The following WDFY4 variants were observed in gnomAD, a reference collection of about 807,000 sequenced individuals.
The protein encoded by WDFY4 is WDFY family member 4, also known as WD repeat- and FYVE domain-containing protein 4.
A neutral mutation model predicts 351.9 loss-of-function variants in WDFY4; 169 were observed. The ratio of observed to expected loss-of-function variants is 0.48; its 90% CI spans 0.42 to 0.55. WDFY4 has a LOEUF of 0.55. Among genes scored for constraint, WDFY4 ranks in the 20% least tolerant of loss-of-function variants. The probability of loss-of-function intolerance (pLI) is 0.00; values close to 1 mark genes in which losing one functional copy is unlikely to be tolerated. For missense variants in WDFY4, 3,803 were observed against 3,935.6 expected, an observed-to-expected ratio of 0.97 and a Z score of 0.90; for synonymous variants, 1,622 against 1,574.6, an observed-to-expected ratio of 1.03 and a Z score of -0.71.
At chr10:48,862,545 C>T (rs1052226964) in intron 39 of WDFY4, among the ~76,000 whole-genome samples, 1 of 152,102 alleles carries the variant, frequency 6.6e-6, no homozygotes, top group Admixed American at 6.5e-5. Flanking sequence ...CAGATGGGAC[C>T]ATATAGTTGC....
chr10:48,982,550 T>C lies in WDFY4; in HGVS notation c.9530T>C (p.Ile3177Thr). 6.5e-7 allele frequency: 1 copy of C among 1,543,784 alleles called. No homozygotes were observed. Among genetic ancestry groups the C allele is most frequent in the Non-Finnish European group, 8.8e-7 (1 of 1,142,312 alleles). ...CTGGTTGGTGATGAGAGGGGGAGAA[T>C]ATTCTGCTGGTCTGCAGATGGGTAG... ...KLLVGDERGR[I>T]FCWSADG is the part of the protein sequence containing the mutation. Residue 3177 changes from isoleucine (I) to threonine (T), a missense_variant, in exon 62 of 62, where the codon ATA becomes ACA. Ile to Thr is a moderately conservative substitution (Grantham distance 89). Coordinates refer to ENST00000325239, the MANE Select transcript of WDFY4 (RefSeq NM_001394531.1).
chr10:48,923,994 G>A (rs914094198), intron 47 of WDFY4, among the ~76,000 whole-genome samples: 1 of 152,206 alleles, frequency 6.6e-6, no homozygotes, highest in Non-Finnish European at 1.5e-5. Flanking sequence ...TCTGATGAAT[G>A]GTGATGAGGA....
At chr10:48,711,642 G>A (rs2063770116) in intron 2 of WDFY4, among the ~76,000 whole-genome samples, 1 of 152,092 alleles carries the variant, frequency 6.6e-6, no homozygotes, top group South Asian at 2.1e-4. Context: ...TTTGTTTGTT[G>A]CACCAATATT....
rs764004033 is a variant in WDFY4 at position 48,721,344 on chromosome 10, T to C, written c.433T>C (p.Tyr145His). The C allele has an allele frequency of 4.5e-6, 7 of 1,551,664 alleles. No homozygotes were observed. Among genetic ancestry groups the C allele is most frequent in the Non-Finnish European group, 5.2e-6 (6 of 1,146,970 alleles). The part of the protein sequence containing the change: ...QDGYLLLKSV[Y>H]VLTGTDSETL... ...TGGCTACTTGCTCCTGAAGTCAGTGTACGTGCTCACGGGGACAGACTCGGT... is the reference window on the plus strand; with the variant it reads ...TGGCTACTTGCTCCTGAAGTCAGTGCACGTGCTCACGGGGACAGACTCGGT... Residue 145 changes from tyrosine (Y) to histidine (H), a missense_variant, in exon 4 of 62, where the codon TAC (tyrosine) becomes CAC (histidine). Physicochemically the swap from Tyr to His is moderately conservative, Grantham distance 83 (BLOSUM62 2). Around this residue, in one of 3 missense-constraint regions of WDFY4, gnomAD observed 488 missense variants for 456.8 expected, o/e 1.07. Transcript: ENST00000325239.
At chr10:48,819,918 C>A (rs375251582) in intron 32 of WDFY4, among the ~76,000 whole-genome samples, 1 of 152,118 alleles carries the variant, frequency 6.6e-6, no homozygotes, top group Non-Finnish European at 1.5e-5. Flanking sequence ...TCTATTTAAC[C>A]GATGGGGAGC....
At chr10:48,916,518 G>A (rs371989121) in intron 47 of WDFY4, among the ~76,000 whole-genome samples, 1 of 152,148 alleles carries the variant, frequency 6.6e-6, no homozygotes, top group Non-Finnish European at 1.5e-5. Flanking sequence ...GAGCTGGGGG[G>A]TTGCTTTGTT....
At chr10:48,808,462 C>T (rs2067330552) in intron 28 of WDFY4, among the ~76,000 whole-genome samples, 1 of 152,200 alleles carries the variant, frequency 6.6e-6, no homozygotes, top group Non-Finnish European at 1.5e-5. Context: ...ATTCCATTAA[C>T]TCTCCCCACT....
intron 44 of WDFY4, among the ~76,000 whole-genome samples, chr10:48,894,117 C>T (rs1836952998): frequency 1.3e-5 from 2 of 152,186 alleles, no homozygotes; most frequent in African/African-American, 2.4e-5. Context: ...CAATAATGTA[C>T]ATAATTTAGC....
intron 43 of WDFY4, among the ~76,000 whole-genome samples, 190 bp from the exon 44 acceptor site, chr10:48,890,389 G>T (rs1222008845): frequency 6.6e-6 from 1 of 152,168 alleles, no homozygotes; most frequent in Non-Finnish European, 1.5e-5. Context: ...CAGCCCAGGT[G>T]GGGTGTGGTA....
chr10:48,895,094 CA>C (rs911687773), intron 44 of WDFY4, among the ~76,000 whole-genome samples: 5 of 152,226 alleles, frequency 3.3e-5, no homozygotes, highest in Non-Finnish European at 7.3e-5. Flanking sequence ...CCTGAGTCTG[CA>C]ACCTCAAAGC....
intron 52 of WDFY4, among the ~76,000 whole-genome samples, chr10:48,958,610 T>C (rs977838639): frequency 1.3e-5 from 2 of 152,160 alleles, no homozygotes; most frequent in African/African-American, 4.8e-5. Context: ...GGACCTTTTT[T>C]TTTAGGCACT....
intron 12 of WDFY4, among the ~76,000 whole-genome samples, chr10:48,759,672 G>C (rs888878288): frequency 6.6e-6 from 1 of 152,166 alleles, no homozygotes; most frequent in Non-Finnish European, 1.5e-5. Flanking sequence ...CTCCTTTCCT[G>C]CTCCTCAGAC....
chr10:48,777,088 C>T, intron 16 of WDFY4, 104 bp downstream of exon 16: 1 of 1,337,448 alleles, frequency 7.5e-7, no homozygotes. Context: ...TTGAATCTCA[C>T]CACTCAGCAG....
At chr10:48,776,719 G>A (rs2066043656) in intron 15 of WDFY4, 31 bp from the exon 16 acceptor site, 1 of 1,469,750 alleles carries the variant, frequency 6.8e-7, no homozygotes, top group Non-Finnish European at 9.1e-7. Context: ...TTTGAGCAGA[G>A]ACACATCTCT....
chr10:48,893,394 T>G (rs181561700), intron 44 of WDFY4, among the ~76,000 whole-genome samples: 1 of 152,344 alleles, frequency 6.6e-6, no homozygotes, highest in African/African-American at 2.4e-5. Flanking sequence ...GGGGACACGG[T>G]TCTACCCATG....
chr10:48,776,533 A>G (rs1431939654), intron 15 of WDFY4, among the ~76,000 whole-genome samples: 1 of 152,244 alleles, frequency 6.6e-6, no homozygotes, highest in Non-Finnish European at 1.5e-5. Context: ...AAAAGTTTCT[A>G]GAAGGAGCAG....
chr10:48,879,729 G>C (rs577551379), intron 43 of WDFY4, among the ~76,000 whole-genome samples: 2 of 152,248 alleles, frequency 1.3e-5, no homozygotes, highest in African/African-American at 4.8e-5. Flanking sequence ...TGCTTCTGTA[G>C]GTCTGAGCTC....
rs1056457478 is a variant in WDFY4 at position 48,966,597 on chromosome 10, C to A, written c.8508C>A (p.Pro2836=). 6.4e-7 allele frequency: 1 copy of A among 1,551,898 alleles called. No homozygotes were observed. Among genetic ancestry groups the A allele is most frequent in the East Asian group, 2.4e-5 (1 of 40,932 alleles). Residue 2836 remains proline (P), a synonymous_variant, in exon 55 of 62, where the codon CCC becomes CCA. Transcript: ENST00000325239. ...KPLPGKDVST[P]VSLPGHPQPF... ...TGCCTGGAAAGGATGTCTCCACCCC[C>A]GTGAGCCTGCCTGGCCACCCACAGC...
chr10:48,826,848 A>G lies in WDFY4; in HGVS notation c.6160A>G (p.Asn2054Asp). 10 of 1,551,782 alleles carry G rather than the reference A, an allele frequency of 6.4e-6. No individual in the cohort carries two copies. Among genetic ancestry groups the G allele is most frequent in the Non-Finnish European group, 8.7e-6 (10 of 1,147,000 alleles). ...EHWDVVFATYNSNISFLLCLM... is the reference protein window; with the variant it reads ...EHWDVVFATYDSNISFLLCLM... The stretch of plus-strand genomic sequence containing the variant: ...CTGGGATGTTGTCTTTGCCACCTAC[A>G]ATTCCAACATCAGCTTCCTCCTGTG... The change falls in exon 36 of 62, where the codon AAT becomes GAT. Residue 2054 changes from asparagine (N) to aspartate (D), a missense_variant. Coordinates refer to ENST00000325239, the MANE Select transcript of WDFY4 (RefSeq NM_001394531.1).
Sources: allele counts gnomAD v4.1 joint callset (sites outside exome capture counted in the v4.1 genomes callset), GRCh38; gene constraint gnomAD v4.1.1; regional missense constraint gnomAD v4.1.1; transcripts MANE v1.5; gene names NCBI Gene and HGNC (gene_info 2026-07-23, HGNC 2026-07-21).